The following KLHL29 variants were observed in gnomAD, a reference collection of about 807,000 sequenced individuals.
The protein encoded by KLHL29 is kelch-like protein 29.
A neutral mutation model predicts 80.4 loss-of-function variants in KLHL29; 21 were observed. The ratio of observed to expected loss-of-function variants is 0.26; its 90% CI spans 0.19 to 0.38. The LOEUF (loss-of-function observed/expected upper bound fraction) is 0.38, where lower values mean the gene tolerates loss of function less well. KLHL29 is among the 10% of genes least tolerant of loss of function. The probability of loss-of-function intolerance (pLI) is 1.00; values close to 1 mark genes in which losing one functional copy is unlikely to be tolerated. For synonymous variants in KLHL29, 511 were observed against 526.8 expected, an observed-to-expected ratio of 0.97 and a Z score of 0.41; for missense variants, 867 against 1,223.9, an observed-to-expected ratio of 0.71 and a Z score of 4.35.
chr2:23,641,977 C>CT (rs1485074051), intron 4 of KLHL29, among the ~76,000 whole-genome samples: 1 of 152,098 alleles, frequency 6.6e-6, no homozygotes, highest in African/African-American at 2.4e-5. Context: ...GAGTGAGACT[C>CT]TGTCTCAAAA....
intron 5 of KLHL29, among the ~76,000 whole-genome samples, chr2:23,678,692 G>C (rs1670988483): frequency 6.6e-6 from 1 of 152,210 alleles, no homozygotes; most frequent in African/African-American, 2.4e-5. Context: ...TGGTTAAACA[G>C]TATGTGGTAT....
intron 5 of KLHL29, among the ~76,000 whole-genome samples, chr2:23,662,909 G>A (rs776035260): frequency 2.0e-5 from 3 of 152,196 alleles, no homozygotes; most frequent in Non-Finnish European, 4.4e-5. Flanking sequence ...TTTGAATTAA[G>A]CAGAACCGGA....
In KLHL29 at chr2:23,503,731, C is replaced by T. The variant is rs975911357; in HGVS notation, c.-46+28064C>T. On this transcript the variant is annotated intron_variant, in intron 2 of 13. Coordinates refer to ENST00000486442, the MANE Select transcript of KLHL29 (RefSeq NM_052920.2). This position sits in a 1 kb window ranked among gnomAD's most constrained non-coding sequence, Gnocchi z 4.0. Reference sequence around the variant, plus strand: ...CACAGGTGACAAGTGAGTTCTGTGACCCTGACCGGCAGCAGCTGCCAGCGA... The same window carrying T: ...CACAGGTGACAAGTGAGTTCTGTGATCCTGACCGGCAGCAGCTGCCAGCGA... Among the ~76,000 whole-genome samples the T allele has an allele frequency of 6.6e-5, 10 of 152,232 alleles. No individual in the cohort carries two copies. The highest frequency in any genetic ancestry group is 1.3e-4 in the Admixed American group (2 of 15,284).
intron 3 of KLHL29, among the ~76,000 whole-genome samples, chr2:23,599,400 A>G (rs1036827949): frequency 6.6e-6 from 1 of 152,014 alleles, no homozygotes; most frequent in Non-Finnish European, 1.5e-5. Context: ...ATAGAAGGAA[A>G]TGTCTGTTTA....
intron 3 of KLHL29, among the ~76,000 whole-genome samples, chr2:23,627,647 G>A (rs1414773945): frequency 6.6e-6 from 1 of 152,136 alleles, no homozygotes; most frequent in Non-Finnish European, 1.5e-5. Flanking sequence ...TCTTTGTCTC[G>A]CTGCCCCTCG....
intron 3 of KLHL29, among the ~76,000 whole-genome samples, chr2:23,626,717 G>A (rs1165119821): frequency 2.6e-5 from 4 of 152,218 alleles, no homozygotes; most frequent in South Asian, 4.1e-4. Context: ...AGGCCCCGCC[G>A]CCCTGCCTGC....
intron 1 of KLHL29, among the ~76,000 whole-genome samples, chr2:23,435,284 TATCTCCTCAGG>T (rs906433541): frequency 6.6e-6 from 1 of 152,148 alleles, no homozygotes; most frequent in African/African-American, 2.4e-5. Flanking sequence ...TACTGAGTTG[TATCTCCTCAGG>T]ATACAGGGAG....
chr2:23,688,250 T>G (rs1213896998), intron 6 of KLHL29, among the ~76,000 whole-genome samples: 2 of 152,220 alleles, frequency 1.3e-5, no homozygotes, highest in Admixed American at 1.3e-4. Context: ...GCGTGTGTCC[T>G]GCAGCTGATG....
intron 2 of KLHL29, among the ~76,000 whole-genome samples, chr2:23,496,486 C>T (rs982628599): frequency 6.6e-6 from 1 of 151,972 alleles, no homozygotes; most frequent in Non-Finnish European, 1.5e-5. Context: ...CCTCCTCCCT[C>T]TCCCCCATCC....
chr2:23,686,175 G>A (rs1433807031), intron 6 of KLHL29, among the ~76,000 whole-genome samples: 1 of 152,174 alleles, frequency 6.6e-6, no homozygotes, highest in Non-Finnish European at 1.5e-5. Context: ...CCCTCCAGAG[G>A]GGGCTGCACT....
At chr2:23,410,975 C>CTCATTTCTGAACAATGAGCCT (rs1666846095) in intron 1 of KLHL29, among the ~76,000 whole-genome samples, 1 of 152,190 alleles carries the variant, frequency 6.6e-6, no homozygotes, top group Non-Finnish European at 1.5e-5. Flanking sequence ...CCCCCAGCCC[C>CTCATTTCTGAACAATGAGCCT]TCATTTCTGA....
At position 23,696,278 on chromosome 2, in the gene KLHL29, ACCCCAGGCCCCT is replaced by A; in HGVS notation, c.1925-52_1925-41del. 1 of 1,509,348 alleles carries A rather than the reference ACCCCAGGCCCCT, an allele frequency of 6.6e-7. No individual in the cohort carries two copies. Among genetic ancestry groups the A allele is most frequent in the East Asian group, 2.5e-5 (1 of 40,632 alleles). The allele number at this position is 1,509,348 out of a possible 1,614,324, so 93.5% of individuals were successfully genotyped here. ...TCTGCCCCTGGGGCTGGGCCTGCTG[ACCCCAGGCCCCT>A]CCTCACCCCGCCCGCTCTCTCTGCC... is the stretch of plus-strand genomic sequence containing the variant. On this transcript the variant is annotated intron_variant, in intron 10 of 13. Transcript: ENST00000486442. This position sits in a 1 kb window ranked among gnomAD's most constrained non-coding sequence, Gnocchi z 5.5.
chr2:23,614,222 A>C (rs911941231), intron 3 of KLHL29, among the ~76,000 whole-genome samples: 52 of 152,292 alleles, frequency 3.4e-4, no homozygotes, highest in African/African-American at 1.2e-3. Flanking sequence ...ATATTGATTG[A>C]TGTCTCATGT....
At chr2:23,599,874 G>A (rs1222982102) in intron 3 of KLHL29, among the ~76,000 whole-genome samples, 1 of 152,204 alleles carries the variant, frequency 6.6e-6, no homozygotes, top group Non-Finnish European at 1.5e-5. Flanking sequence ...TTTACATAGA[G>A]TAGCTCTGGG....
rs571914759 is a variant in KLHL29 at position 23,647,909 on chromosome 2, C to T, written c.940+5059C>T. 1.3e-5 allele frequency among the ~76,000 whole-genome samples: 2 copies of T among 152,260 alleles called. 1 individual carries two copies. The highest frequency in any genetic ancestry group is 4.1e-4 in the South Asian group (2 of 4,824). ...GATGCTATTTCATCCCCACTCCCCC[C>T]TCAGTATCCAAGCCGGTACCAGCAC... On this transcript the variant is annotated intron_variant, in intron 5 of 13. Transcript: ENST00000486442. This position sits in a 1 kb window ranked among gnomAD's most constrained non-coding sequence, Gnocchi z 4.9.
intron 1 of KLHL29, among the ~76,000 whole-genome samples, chr2:23,419,263 C>T (rs1042834507): frequency 6.6e-6 from 1 of 152,174 alleles, no homozygotes; most frequent in Non-Finnish European, 1.5e-5. Context: ...AGAACTGTCC[C>T]GCTCCCCTGC....
intron 1 of KLHL29, among the ~76,000 whole-genome samples, chr2:23,418,017 G>A (rs1662641500): frequency 6.6e-6 from 1 of 152,198 alleles, no homozygotes. Context: ...ATTTCCTTGA[G>A]GGCAGGGTCT....
chr2:23,587,579 A>G (rs980373080), intron 3 of KLHL29, among the ~76,000 whole-genome samples: 1 of 152,162 alleles, frequency 6.6e-6, no homozygotes, highest in Non-Finnish European at 1.5e-5. Context: ...TTGTCACTCC[A>G]TTGGAGGGAA....
intron 3 of KLHL29, among the ~76,000 whole-genome samples, chr2:23,588,882 C>T (rs1668182588): frequency 6.6e-6 from 1 of 152,174 alleles, no homozygotes; most frequent in Non-Finnish European, 1.5e-5. Flanking sequence ...GAGAGAGAGG[C>T]ACCAGGAGGC....
Sources: gnomAD v4.1 joint callset for allele counts (sites outside exome capture counted in the v4.1 genomes callset) on GRCh38, gnomAD v4.1.1 for gene constraint, Gnocchi (gnomAD v3.1) non-coding constraint, MANE v1.5 for transcripts, NCBI Gene and HGNC (gene_info 2026-07-23, HGNC 2026-07-21) for gene names.